Variants in FHOD3 observed in about 807,000 individuals in gnomAD.
The protein encoded by FHOD3 is FH1/FH2 domain-containing protein 3.
FHOD3 carries 90 observed loss-of-function variants against 173.0 expected under a neutral mutation model. The observed-to-expected ratio is 0.52, with a 90% CI of 0.44 to 0.62. The LOEUF is 0.62. Among genes scored for constraint, FHOD3 ranks in the 20% least tolerant of loss-of-function variants. The pLI is 0.00. For synonymous variants in FHOD3, 828 were observed against 823.0 expected, an observed-to-expected ratio of 1.01 and a Z score of -0.10; for missense variants, 1,945 against 2,034.7, an observed-to-expected ratio of 0.96 and a Z score of 0.85.
At chr18:36,707,269 C>T (rs1048271504) in intron 17 of FHOD3, among the ~76,000 whole-genome samples, 2 of 151,694 alleles carry the variant, frequency 1.3e-5, no homozygotes, top group Admixed American at 1.3e-4. Context: ...AGCCCCTCAG[C>T]TGCAGGGGGG....
At position 36,358,697 on chromosome 18, in the gene FHOD3, A is replaced by G. The variant is rs190073832; in HGVS notation, c.272+3052A>G. ...AAATTTAAATTTTTAATTATTTTTG[A>G]TAGGGTCTTTCTTTGTCACCCAGGC... is the stretch of plus-strand genomic sequence containing the variant. On this transcript the variant is annotated intron_variant, in intron 2 of 28. Transcript: ENST00000590592. 8.0e-4 allele frequency among the ~76,000 whole-genome samples: 122 copies of G among 152,274 alleles called. 3 individuals are homozygous for G. The highest frequency in any genetic ancestry group is 6.1e-3 in the Admixed American group (93 of 15,298).
intron 3 of FHOD3, among the ~76,000 whole-genome samples, chr18:36,419,888 G>A (rs559177917): frequency 6.6e-5 from 10 of 152,316 alleles, no homozygotes; most frequent in Admixed American, 2.6e-4. Context: ...GCTGAGGAGC[G>A]CTAGCTCTGG....
intron 5 of FHOD3, among the ~76,000 whole-genome samples, chr18:36,523,351 GT>G (rs1395393282): frequency 6.6e-6 from 1 of 152,202 alleles, no homozygotes; most frequent in Non-Finnish European, 1.5e-5. Flanking sequence ...AAAGACAGTG[GT>G]TTTTGACTGA....
At chr18:36,461,338 AT>A (rs1052630233) in intron 3 of FHOD3, among the ~76,000 whole-genome samples, 13 of 151,962 alleles carry the variant, frequency 8.6e-5, no homozygotes, top group Non-Finnish European at 1.9e-4. Context: ...GACTGAAAGG[AT>A]TTTTTTCATT....
At chr18:36,448,075 G>A (rs2051601706) in intron 3 of FHOD3, among the ~76,000 whole-genome samples, 1 of 152,120 alleles carries the variant, frequency 6.6e-6, no homozygotes. Flanking sequence ...AAAATTGAAA[G>A]GAAATACAAC....
At chr18:36,454,280 G>A (rs1242981735) in intron 3 of FHOD3, among the ~76,000 whole-genome samples, 1 of 151,762 alleles carries the variant, frequency 6.6e-6, no homozygotes, top group Admixed American at 6.6e-5. Flanking sequence ...ACACAAGAGG[G>A]TACACACAGT....
intron 8 of FHOD3, among the ~76,000 whole-genome samples, chr18:36,607,973 G>A (rs567595807): frequency 7.0e-4 from 107 of 152,096 alleles, no homozygotes; most frequent in African/African-American, 2.4e-3. Context: ...CTGACTTTTC[G>A]TACAACTATT....
At chr18:36,504,992 T>C (rs2055229017) in intron 4 of FHOD3, among the ~76,000 whole-genome samples, 1 of 152,178 alleles carries the variant, frequency 6.6e-6, no homozygotes, top group Admixed American at 6.5e-5. Context: ...TCCTGCCAGT[T>C]TTCAGCTGTG....
chr18:36,437,170 T>C (rs563691884), intron 3 of FHOD3, among the ~76,000 whole-genome samples: 1 of 152,304 alleles, frequency 6.6e-6, no homozygotes, highest in East Asian at 1.9e-4. Context: ...CAGGCTGGAG[T>C]GCAGTGGTGC....
chr18:36,700,440 A>G (rs1293320986), intron 17 of FHOD3, among the ~76,000 whole-genome samples: 5 of 152,214 alleles, frequency 3.3e-5, no homozygotes, highest in Non-Finnish European at 5.9e-5. Flanking sequence ...TCGTGGCCCA[A>G]TCATTTAAGC....
At chr18:36,414,020 T>C (rs990547353) in intron 3 of FHOD3, among the ~76,000 whole-genome samples, 2 of 152,202 alleles carry the variant, frequency 1.3e-5, no homozygotes, top group African/African-American at 2.4e-5. Flanking sequence ...GTTGGGCTTA[T>C]AGAAGCAAGG....
intron 3 of FHOD3, among the ~76,000 whole-genome samples, chr18:36,376,864 T>G (rs2047465671): frequency 6.6e-6 from 1 of 152,204 alleles, no homozygotes; most frequent in African/African-American, 2.4e-5. Context: ...AAGAAGAACC[T>G]CCTAGTGCAA....
intron 1 of FHOD3, among the ~76,000 whole-genome samples, chr18:36,309,597 C>A (rs1340322614): frequency 6.6e-6 from 1 of 152,180 alleles, no homozygotes; most frequent in Non-Finnish European, 1.5e-5. Context: ...CACCAGACAC[C>A]GGCAGTCCGG....
intron 28 of FHOD3, 91 bp from the exon 29 acceptor site, chr18:36,779,357 G>A (rs989346839): frequency 8.8e-7 from 1 of 1,136,742 alleles, no homozygotes; most frequent in Non-Finnish European, 1.3e-6. Flanking sequence ...TGGGGAGAAG[G>A]GGGGACTGGA....
At chr18:36,622,010 A>G (rs2033749103) in intron 9 of FHOD3, among the ~76,000 whole-genome samples, 1 of 152,246 alleles carries the variant, frequency 6.6e-6, no homozygotes, top group East Asian at 1.9e-4. Flanking sequence ...TTCAGTCTTA[A>G]GACGGAAATC....
chr18:36,377,599 C>T (rs972888812), intron 3 of FHOD3, among the ~76,000 whole-genome samples: 3 of 152,200 alleles, frequency 2.0e-5, no homozygotes, highest in Non-Finnish European at 4.4e-5. Flanking sequence ...AGATGAGGCC[C>T]ATGGAGCACT....
chr18:36,711,237 G>C (rs1478495744), intron 18 of FHOD3: 1 of 152,204 alleles, frequency 6.6e-6, no homozygotes, highest in Non-Finnish European at 1.5e-5. Context: ...TGGAGTCCGG[G>C]CAGCTATGTC....
At chr18:36,577,427 A>C (rs957840687) in intron 6 of FHOD3, among the ~76,000 whole-genome samples, 1 of 152,136 alleles carries the variant, frequency 6.6e-6, no homozygotes, top group Admixed American at 6.5e-5. Context: ...CTGTCTCCCA[A>C]GTAGGTGGGA....
At chr18:36,471,961 T>C (rs185933972) in intron 3 of FHOD3, among the ~76,000 whole-genome samples, 2 of 152,328 alleles carry the variant, frequency 1.3e-5, no homozygotes, top group East Asian at 3.9e-4. Context: ...CCAATTGTTA[T>C]TTCCAACCAT....
Sources: gnomAD v4.1 joint callset for allele counts (sites outside exome capture counted in the v4.1 genomes callset) on GRCh38, gnomAD v4.1.1 for gene constraint, MANE v1.5 for transcripts, NCBI Gene and HGNC (gene_info 2026-07-23, HGNC 2026-07-21) for gene names.